SPECC1: variants seen among roughly 807,000 people sequenced by gnomAD.
SPECC1 encodes sperm antigen with calponin homology and coiled-coil domains 1.
In SPECC1, 62 loss-of-function variants were observed where a neutral mutation model predicts 104.1. The observed-to-expected ratio is 0.60, with a 90% CI of 0.49 to 0.74. The LOEUF (loss-of-function observed/expected upper bound fraction) is 0.74. Among genes scored for constraint, SPECC1 ranks in the 30% least tolerant of loss-of-function variants. The pLI is 0.00. For synonymous variants in SPECC1, 513 were observed against 501.6 expected (o/e 1.02, Z -0.30); for missense variants, 1,306 against 1,310.5 (o/e 1.00, Z 0.05).
Position 20,060,970 on chromosome 17 carries a change from C to G in SPECC1, c.-21-35661C>G, listed in dbSNP as rs190489109. On this transcript the variant is annotated intron_variant, in intron 1 of 14. Transcript: ENST00000395527. ...GTGTTAGTAGTGCAAGTATACATTT[C>G]AAACTTAATGATTATATAAAGAATG... Among the ~76,000 whole-genome samples the G allele has an allele frequency of 5.3e-5, 8 of 152,314 alleles. No homozygotes were observed. In the East Asian group the frequency reaches 1.5e-3, roughly 29 times the overall value.
intron 2 of SPECC1, among the ~76,000 whole-genome samples, chr17:20,104,092 A>G (rs2048071805): frequency 6.6e-6 from 1 of 152,202 alleles, no homozygotes; most frequent in Admixed American, 6.5e-5. Context: ...AAAAATCAGC[A>G]TGTTTGAAGT....
intron 13 of SPECC1, among the ~76,000 whole-genome samples, chr17:20,298,976 TAGAGAGA>T (rs2041464901): frequency 5.2e-5 from 4 of 77,422 alleles, no homozygotes; most frequent in Non-Finnish European, 2.3e-5. Context: ...TGTGTGTATG[TAGAGAGA>T]GAGAGAGAGA....
At chr17:20,240,751 T>C (rs2039165853) in intron 7 of SPECC1, among the ~76,000 whole-genome samples, 1 of 152,270 alleles carries the variant, frequency 6.6e-6, no homozygotes, top group Non-Finnish European at 1.5e-5. Context: ...TTGAGTTAGC[T>C]CTGCTTTAAA....
At chr17:20,103,282 G>T (rs1399403338) in intron 2 of SPECC1, among the ~76,000 whole-genome samples, 1 of 152,122 alleles carries the variant, frequency 6.6e-6, no homozygotes, top group East Asian at 1.9e-4. Flanking sequence ...CTTCTGTGAG[G>T]TCTTGGGACT....
rs1031876408 is a variant in SPECC1, at chr17:20,190,672, C to A, written c.284-13661C>A. On this transcript the variant is annotated intron_variant, in intron 3 of 14. Transcript: ENST00000395527. ...GGTTTACATTGAGGTTCACTCTTGG[C>A]ATTGTGCATTCTGTAGGTTTGGATA... Among the ~76,000 whole-genome samples the A allele has an allele frequency of 2.0e-4, 31 of 152,186 alleles. 2 individuals are homozygous for A. Among genetic ancestry groups the A allele is most frequent in the Non-Finnish European group, 1.5e-5 (1 of 68,028 alleles).
intron 12 of SPECC1, among the ~76,000 whole-genome samples, chr17:20,269,482 A>G (rs1469304762): frequency 1.3e-5 from 2 of 152,072 alleles, no homozygotes; most frequent in Non-Finnish European, 2.9e-5. Context: ...CTGGAGTGCA[A>G]TGGCACCATC....
intron 3 of SPECC1, among the ~76,000 whole-genome samples, chr17:20,133,306 A>G (rs2049754050): frequency 6.6e-6 from 1 of 151,936 alleles, no homozygotes; most frequent in Admixed American, 6.6e-5. Flanking sequence ...CCCATCTCCT[A>G]CAGTGTGAGA....
At chr17:20,015,927 A>T (rs2152427882) in intron 1 of SPECC1, among the ~76,000 whole-genome samples, 1 of 143,744 alleles carries the variant, frequency 7.0e-6, no homozygotes. Context: ...AATAGGTAAG[A>T]TAGGCAGGGC....
At chr17:20,202,480 G>A (rs1195659222) in intron 3 of SPECC1, among the ~76,000 whole-genome samples, 1 of 152,138 alleles carries the variant, frequency 6.6e-6, no homozygotes, top group Non-Finnish European at 1.5e-5. Context: ...TTGCTTGCTA[G>A]ATTGAGGAAT....
intron 7 of SPECC1, among the ~76,000 whole-genome samples, chr17:20,243,656 T>C (rs754297798): frequency 3.9e-5 from 6 of 152,184 alleles, no homozygotes; most frequent in African/African-American, 9.6e-5. Context: ...CTGACTCTTA[T>C]TGTTCTGGCC....
chr17:20,116,803 CTTTTTTTTTTTTT>C (rs58127201), intron 3 of SPECC1, among the ~76,000 whole-genome samples: 26 of 50,426 alleles, frequency 5.2e-4, no homozygotes, highest in African/African-American at 1.0e-3. Flanking sequence ...TGTCTGGAGA[CTTTTTTTTTTTTT>C]TTTTTTTTTT....
intron 1 of SPECC1, among the ~76,000 whole-genome samples, chr17:20,064,744 A>C (rs2046305066): frequency 6.6e-6 from 1 of 152,190 alleles, no homozygotes; most frequent in African/African-American, 2.4e-5. Flanking sequence ...TACTTACAGA[A>C]AGCCCTTGCC....
chr17:20,054,704 G>A (rs1373916899), intron 1 of SPECC1, among the ~76,000 whole-genome samples: 1 of 151,868 alleles, frequency 6.6e-6, no homozygotes, highest in Non-Finnish European at 1.5e-5. Flanking sequence ...GTCTTGCTCT[G>A]TCATCTGGGC....
intron 1 of SPECC1, among the ~76,000 whole-genome samples, chr17:20,034,093 T>C (rs1320473101): frequency 7.9e-6 from 1 of 126,114 alleles, no homozygotes; most frequent in African/African-American, 3.2e-5. Context: ...GCGTTTGATA[T>C]TCTTTTTTTT....
intron 12 of SPECC1, among the ~76,000 whole-genome samples, chr17:20,282,518 A>C (rs1210120621): frequency 6.6e-6 from 1 of 152,242 alleles, no homozygotes; most frequent in Non-Finnish European, 1.5e-5. Flanking sequence ...GACTTTCTTT[A>C]TTCTTGAACT....
intron 3 of SPECC1, among the ~76,000 whole-genome samples, chr17:20,167,664 G>T (rs1048208689): frequency 6.6e-6 from 1 of 152,178 alleles, no homozygotes; most frequent in African/African-American, 2.4e-5. Flanking sequence ...GGCAACTTGA[G>T]TGAAACTACG....
chr17:20,223,077 T>C (rs1387959786), intron 4 of SPECC1, among the ~76,000 whole-genome samples: 1 of 152,224 alleles, frequency 6.6e-6, no homozygotes, highest in Non-Finnish European at 1.5e-5. Context: ...AATATTTTTC[T>C]CTAGATTTGG....
chr17:20,066,959 C>T (rs987065892), intron 1 of SPECC1, among the ~76,000 whole-genome samples: 1 of 144,046 alleles, frequency 6.9e-6, no homozygotes, highest in African/African-American at 2.5e-5. Context: ...TTATGTTGCC[C>T]AGGCGGGTCT....
intron 3 of SPECC1, among the ~76,000 whole-genome samples, chr17:20,197,448 A>T (rs1228066647): frequency 1.3e-5 from 2 of 152,158 alleles, no homozygotes; most frequent in Non-Finnish European, 2.9e-5. Context: ...AAGGAATCAA[A>T]CCCGAACTGC....
Sources: gnomAD v4.1 joint callset for allele counts (sites outside exome capture counted in the v4.1 genomes callset) on GRCh38, gnomAD v4.1.1 for gene constraint, MANE v1.5 for transcripts, NCBI Gene and HGNC (gene_info 2026-07-23, HGNC 2026-07-21) for gene names.